Variants in PTPRJ observed in about 807,000 individuals in gnomAD.
PTPRJ encodes the protein protein tyrosine phosphatase receptor type J.
Under a neutral mutation model 141.3 loss-of-function variants are expected in PTPRJ, and 129 were observed. The ratio of observed to expected loss-of-function variants is 0.91; its 90% confidence interval spans 0.79 to 1.06. The LOEUF (loss-of-function observed/expected upper bound fraction) is 1.06, where lower values mean the gene tolerates loss of function less well. Ranked by LOEUF, PTPRJ falls within the 50% of genes least tolerant of loss-of-function variation. The pLI, the probability that PTPRJ is intolerant of heterozygous loss-of-function variation, is 0.00. For synonymous variants in PTPRJ, 610 were observed against 640.5 expected (o/e 0.95, Z 0.72); for missense variants, 1,601 against 1,679.7 (o/e 0.95, Z 0.82).
intron 18 of PTPRJ, among the ~76,000 whole-genome samples, chr11:48,152,535 T>C (rs1486025030): frequency 6.6e-6 from 1 of 152,272 alleles, no homozygotes; most frequent in Non-Finnish European, 1.5e-5. Flanking sequence ...GCCTATGTCC[T>C]GAATAGTATT....
At chr11:48,123,435 C>T (rs1423805585) in intron 4 of PTPRJ, among the ~76,000 whole-genome samples, 178 bp from the exon 5 acceptor site, 1 of 152,142 alleles carries the variant, frequency 6.6e-6, no homozygotes, top group African/African-American at 2.4e-5. Flanking sequence ...GATGGAAATG[C>T]ATTGGGCTCT....
intron 18 of PTPRJ, among the ~76,000 whole-genome samples, chr11:48,151,332 C>G (rs1423422915): frequency 6.6e-6 from 1 of 151,640 alleles, no homozygotes; most frequent in Non-Finnish European, 1.5e-5. Flanking sequence ...GTTCACATGG[C>G]CATCTCCCCT....
chr11:48,139,089 C>T (rs750648729), intron 10 of PTPRJ, among the ~76,000 whole-genome samples: 5 of 152,124 alleles, frequency 3.3e-5, no homozygotes, highest in East Asian at 1.9e-4. Context: ...GCTGAGATTG[C>T]GCCATTGCAC....
intron 1 of PTPRJ, among the ~76,000 whole-genome samples, chr11:48,059,162 G>T (rs1363669892): frequency 1.7e-5 from 2 of 116,970 alleles, no homozygotes; most frequent in African/African-American, 3.4e-5. Context: ...TCTGTCCATT[G>T]CCCAGGCTGT....
intron 1 of PTPRJ, among the ~76,000 whole-genome samples, chr11:48,011,372 T>C (rs2134202028): frequency 6.6e-6 from 1 of 152,280 alleles, no homozygotes; most frequent in South Asian, 2.1e-4. Flanking sequence ...GTTTCTGGAC[T>C]TACCACTTAC....
intron 1 of PTPRJ, among the ~76,000 whole-genome samples, chr11:48,025,072 T>G (rs1176290031): frequency 6.6e-6 from 1 of 152,130 alleles, no homozygotes; most frequent in African/African-American, 2.4e-5. Flanking sequence ...CTGGATCTTG[T>G]GGGCAGGCTA....
chr11:47,993,151 T>C (rs1187463070), intron 1 of PTPRJ, among the ~76,000 whole-genome samples: 1 of 152,262 alleles, frequency 6.6e-6, no homozygotes, highest in African/African-American at 2.4e-5. Context: ...ACTGAAAGCT[T>C]TGGAGGCCTG....
intron 1 of PTPRJ, among the ~76,000 whole-genome samples, chr11:48,054,090 G>A (rs1364311742): frequency 2.6e-5 from 4 of 151,406 alleles, no homozygotes; most frequent in South Asian, 2.1e-4. Context: ...CTGCCACCAC[G>A]CCTGGCTAAT....
chr11:48,056,430 G>A (rs564210172), intron 1 of PTPRJ, among the ~76,000 whole-genome samples: 20 of 152,260 alleles, frequency 1.3e-4, no homozygotes, highest in African/African-American at 4.3e-4. Flanking sequence ...GAGTTGTTGC[G>A]TGTAAAGCAT....
chr11:48,084,156 TTTG>T (rs531230136), intron 1 of PTPRJ, among the ~76,000 whole-genome samples: 4 of 152,020 alleles, frequency 2.6e-5, no homozygotes, highest in Non-Finnish European at 4.4e-5. Flanking sequence ...AATCTAGTTT[TTTG>T]TTGTTGTTGT....
chr11:48,095,825 C>G (rs1472801125), intron 1 of PTPRJ, among the ~76,000 whole-genome samples: 2 of 152,204 alleles, frequency 1.3e-5, no homozygotes, highest in Admixed American at 6.5e-5. Flanking sequence ...AGGTGATCCA[C>G]CCACCTCGGC....
At chr11:48,153,115 G>A (rs1030412102) in intron 18 of PTPRJ, among the ~76,000 whole-genome samples, 9 of 152,134 alleles carry the variant, frequency 5.9e-5, no homozygotes, top group East Asian at 3.8e-4. Flanking sequence ...AAATATTGCC[G>A]GGGAAGAAAG....
At chr11:48,126,813 C>G (rs371001978) in intron 6 of PTPRJ, among the ~76,000 whole-genome samples, 4 of 136,942 alleles carry the variant, frequency 2.9e-5, no homozygotes, top group African/African-American at 3.1e-5. Flanking sequence ...CACACACACA[C>G]ACACACAGAT....
intron 4 of PTPRJ, among the ~76,000 whole-genome samples, chr11:48,122,331 G>A (rs1856726435): frequency 6.6e-6 from 1 of 152,192 alleles, no homozygotes; most frequent in Non-Finnish European, 1.5e-5. Flanking sequence ...GACCCCGAGG[G>A]GGTGGCTGTG....
chr11:48,011,409 C>T (rs1225228357), intron 1 of PTPRJ, among the ~76,000 whole-genome samples: 1 of 152,156 alleles, frequency 6.6e-6, no homozygotes, highest in Non-Finnish European at 1.5e-5. Flanking sequence ...AGTGGAGTCA[C>T]TTAAGAAAGT....
intron 1 of PTPRJ, among the ~76,000 whole-genome samples, chr11:48,036,030 T>G (rs1047480121): frequency 6.6e-6 from 1 of 152,232 alleles, no homozygotes; most frequent in African/African-American, 2.4e-5. Context: ...TACTTAATAG[T>G]GCATTCTTCT....
At chr11:47,991,152 T>C (rs928994797) in intron 1 of PTPRJ, among the ~76,000 whole-genome samples, 1 of 152,204 alleles carries the variant, frequency 6.6e-6, no homozygotes, top group South Asian at 2.1e-4. Flanking sequence ...GATAGCACAA[T>C]TTAAATATTT....
chr11:47,981,857 C>T (rs374327849), intron 1 of PTPRJ, among the ~76,000 whole-genome samples: 1 of 152,184 alleles, frequency 6.6e-6, no homozygotes, highest in Non-Finnish European at 1.5e-5. Context: ...GCACCCAGCC[C>T]GTGCCATGGG....
chr11:48,144,482 A>G (rs1482283495), intron 12 of PTPRJ, among the ~76,000 whole-genome samples, 193 bp from the exon 13 acceptor site: 2 of 152,192 alleles, frequency 1.3e-5, no homozygotes, highest in African/African-American at 4.8e-5. Flanking sequence ...ATGTGATGGG[A>G]TTCATGGGGA....
Sources: allele counts gnomAD v4.1 joint callset (sites outside exome capture counted in the v4.1 genomes callset), GRCh38; gene constraint gnomAD v4.1.1; transcripts MANE v1.5; gene names NCBI Gene and HGNC (gene_info 2026-07-23, HGNC 2026-07-21).